Variants in CYFIP2 observed in about 807,000 individuals in gnomAD.
CYFIP2 encodes the protein cytoplasmic FMR1-interacting protein 2.
Under a neutral mutation model 158.7 loss-of-function variants are expected in CYFIP2, and 29 were observed. The ratio of observed to expected loss-of-function variants is 0.18; its 90% confidence interval spans 0.14 to 0.25. CYFIP2 has a LOEUF of 0.25. Ranked by LOEUF, CYFIP2 falls within the 10% of genes least tolerant of loss-of-function variation. CYFIP2 has a pLI of 1.00. For missense variants in CYFIP2, 852 were observed against 1,639.5 expected (o/e 0.52, Z 8.29); for synonymous variants, 585 against 617.6 (o/e 0.95, Z 0.78).
intron 9 of CYFIP2, among the ~76,000 whole-genome samples, chr5:157,308,115 G>C (rs1048317176): frequency 4.6e-5 from 7 of 151,764 alleles, no homozygotes; most frequent in African/African-American, 1.5e-4. Flanking sequence ...GCAGGATTCA[G>C]CTGGGATTTG....
intron 8 of CYFIP2, among the ~76,000 whole-genome samples, chr5:157,306,556 C>G (rs1759239073): frequency 6.6e-6 from 1 of 152,146 alleles, no homozygotes; most frequent in South Asian, 2.1e-4. Context: ...GCACTGTCTG[C>G]TCTTATGCAG....
rs1767570582 is a variant in CYFIP2 at position 157,394,202 on chromosome 5, T to C, written c.*1202T>C. ...CCAGGGGTAACATTTACTTCCATTTTCTAGACTGAACCAAAAGTCTTCTGC... is the reference window on the plus strand; with the variant it reads ...CCAGGGGTAACATTTACTTCCATTTCCTAGACTGAACCAAAAGTCTTCTGC... On this transcript the variant is annotated 3_prime_UTR_variant, in exon 31 of 31. Coordinates refer to ENST00000620254, the MANE Select transcript of CYFIP2 (RefSeq NM_001037333.3). The C allele has an allele frequency of 6.6e-6, 1 of 152,184 alleles. No homozygotes were observed. The highest frequency in any genetic ancestry group is 6.5e-5 in the Admixed American group (1 of 15,286). The allele number at this position is 152,184 out of a possible 1,614,324, so 9.4% of individuals were successfully genotyped here. A position where few individuals can be genotyped will look rare whatever the true frequency, so the allele number is the denominator to read the frequency against.
chr5:157,316,756 G>A (rs532801231), intron 13 of CYFIP2, among the ~76,000 whole-genome samples: 26 of 152,280 alleles, frequency 1.7e-4, no homozygotes, highest in African/African-American at 5.8e-4. Flanking sequence ...CAGGGTTATT[G>A]TGGAGAATCA....
At chr5:157,292,944 T>A (rs1172653284) in intron 3 of CYFIP2, among the ~76,000 whole-genome samples, 6 of 152,124 alleles carry the variant, frequency 3.9e-5, no homozygotes, top group Non-Finnish European at 8.8e-5. Context: ...AGTGGAGAAT[T>A]TTAGGATAAG....
chr5:157,390,133 C>T (rs1441497112), intron 29 of CYFIP2, among the ~76,000 whole-genome samples: 1 of 152,182 alleles, frequency 6.6e-6, no homozygotes, highest in African/African-American at 2.4e-5. Flanking sequence ...GAAATGGCCC[C>T]TCACCTGCTA....
intron 26 of CYFIP2, among the ~76,000 whole-genome samples, chr5:157,378,779 G>C (rs10515749): frequency 6.6e-6 from 1 of 152,068 alleles, no homozygotes; most frequent in Non-Finnish European, 1.5e-5. Context: ...TAGCTCATTC[G>C]TTAGTGCTCA....
intron 1 of CYFIP2, among the ~76,000 whole-genome samples, chr5:157,274,246 C>T (rs7706735): frequency 0.13 from 20,065 of 152,080 alleles, 2,199 homozygotes; most frequent in East Asian, 0.62. Context: ...ATCTCATGGC[C>T]TTTAGCACCA....
chr5:157,271,050 G>A, intron 1 of CYFIP2, among the ~76,000 whole-genome samples: 1 of 152,210 alleles, frequency 6.6e-6, no homozygotes, highest in East Asian at 1.9e-4. Context: ...TGCTAAGGGA[G>A]TGAGAGAAAT....
intron 3 of CYFIP2, among the ~76,000 whole-genome samples, chr5:157,291,391 G>C (rs1031320191): frequency 1.3e-5 from 2 of 152,222 alleles, no homozygotes; most frequent in African/African-American, 4.8e-5. Context: ...CTACATTCTA[G>C]CATAATTGCA....
intron 26 of CYFIP2, among the ~76,000 whole-genome samples, chr5:157,372,993 C>T (rs1765133985): frequency 6.6e-6 from 1 of 152,208 alleles, no homozygotes; most frequent in Non-Finnish European, 1.5e-5. Context: ...GGGTCACTGC[C>T]TTTCCACGCT....
intron 26 of CYFIP2, chr5:157,379,879 C>G (rs1765880839): frequency 6.6e-6 from 1 of 152,020 alleles, no homozygotes; most frequent in Non-Finnish European, 1.5e-5. Context: ...GCAAAGCTGG[C>G]CATGCAGGAG....
intron 2 of CYFIP2, among the ~76,000 whole-genome samples, chr5:157,286,016 A>C (rs1028381912): frequency 6.6e-6 from 1 of 152,252 alleles, no homozygotes; most frequent in Admixed American, 6.5e-5. Flanking sequence ...GTGCCAGGCC[A>C]GATGCCATGT....
At chr5:157,281,283 G>C (rs1310184963) in intron 1 of CYFIP2, among the ~76,000 whole-genome samples, 2 of 152,072 alleles carry the variant, frequency 1.3e-5, no homozygotes, top group African/African-American at 4.8e-5. Flanking sequence ...TTCATTTAGG[G>C]ATGTTAACAG....
At chr5:157,290,918 A>G (rs2113858778) in intron 3 of CYFIP2, among the ~76,000 whole-genome samples, 1 of 152,340 alleles carries the variant, frequency 6.6e-6, no homozygotes, top group South Asian at 2.1e-4. Context: ...TAACTGACCA[A>G]CTATATGGAA....
chr5:157,344,431 G>A (rs1316462529), intron 23 of CYFIP2, among the ~76,000 whole-genome samples: 1 of 152,124 alleles, frequency 6.6e-6, no homozygotes, highest in Non-Finnish European at 1.5e-5. Context: ...ACTTAGTGCC[G>A]CCTAACCACT....
chr5:157,270,837 G>C (rs1038571357), intron 1 of CYFIP2, among the ~76,000 whole-genome samples: 1 of 152,138 alleles, frequency 6.6e-6, no homozygotes, highest in East Asian at 1.9e-4. Context: ...AAGAATTTTG[G>C]TCATTGGCTC....
chr5:157,388,548 TAC>T lies in CYFIP2; in HGVS notation c.3208-631_3208-630del, dbSNP rs749876818. Among the ~76,000 whole-genome samples the T allele has an allele frequency of 5.3e-5, 8 of 152,356 alleles. 1 individual carries two copies. The South Asian group carries it at 1.7e-3, about 32-fold the overall frequency. On this transcript the variant is annotated intron_variant, in intron 28 of 30. Transcript: ENST00000620254. ...ATGTTAGTCCTTCTAAAATATGCTT[TAC>T]ACACACACATCACACATACTTTCAT...
chr5:157,330,068 C>T (rs900385356), intron 19 of CYFIP2, among the ~76,000 whole-genome samples: 1 of 152,160 alleles, frequency 6.6e-6, no homozygotes, highest in Non-Finnish European at 1.5e-5. Flanking sequence ...TAGATCTTTC[C>T]AATTTTATCA....
intron 3 of CYFIP2, among the ~76,000 whole-genome samples, chr5:157,288,950 A>G (rs2113853497): frequency 6.6e-6 from 1 of 152,360 alleles, no homozygotes; most frequent in South Asian, 2.1e-4. Context: ...TAGGAGGATA[A>G]TGATACCTTG....
Sources: gnomAD v4.1 joint callset for allele counts (sites outside exome capture counted in the v4.1 genomes callset) on GRCh38, gnomAD v4.1.1 for gene constraint, MANE v1.5 for transcripts, NCBI Gene and HGNC (gene_info 2026-07-23, HGNC 2026-07-21) for gene names.